The following CTNNA3 variants were observed in gnomAD, a reference collection of about 807,000 sequenced individuals.
CTNNA3 encodes catenin alpha 3, also known as catenin alpha-3.
CTNNA3 carries 76 observed loss-of-function variants against 95.7 expected under a neutral mutation model. The observed-to-expected ratio is 0.79, with a 90% confidence interval of 0.66 to 0.96. The LOEUF (loss-of-function observed/expected upper bound fraction) is 0.96. Among genes scored for constraint, CTNNA3 ranks in the 40% least tolerant of loss-of-function variants. The pLI is 0.00. For missense variants in CTNNA3, 1,191 were observed against 1,089.8 expected (o/e 1.09, Z -1.31); for synonymous variants, 431 against 374.4 (o/e 1.15, Z -1.74).
At chr10:66,424,825 T>G (rs2093225438) in intron 11 of CTNNA3, among the ~76,000 whole-genome samples, 1 of 152,076 alleles carries the variant, frequency 6.6e-6, no homozygotes, top group Admixed American at 6.6e-5. Flanking sequence ...TTTTAAAATT[T>G]TTATCTGAGC....
intron 5 of CTNNA3, among the ~76,000 whole-genome samples, chr10:67,358,863 A>C (rs1323954523): frequency 6.6e-6 from 1 of 152,062 alleles, no homozygotes; most frequent in African/African-American, 2.4e-5. Context: ...GTCTCCCCCA[A>C]GGCCCCAGAA....
Position 66,124,739 on chromosome 10 carries a change from A to G in CTNNA3, c.1885-21490T>C, listed in dbSNP as rs187978018. Among the ~76,000 whole-genome samples the G allele has an allele frequency of 3.5e-3, 533 of 152,344 alleles. 3 individuals carry two copies. Among genetic ancestry groups the G allele is most frequent in the African/African-American group, 0.012 (512 of 41,592 alleles). ...CTTACATGGATGGAGGCAGGCAAAGAGAGACAGCTTGTGCAGGGAAACTCC... is the reference window on the plus strand; with the variant it reads ...CTTACATGGATGGAGGCAGGCAAAGGGAGACAGCTTGTGCAGGGAAACTCC... On this transcript the variant is annotated intron_variant, in intron 13 of 17. Transcript: ENST00000433211.
chr10:67,274,216 A>T (rs1200125820), intron 5 of CTNNA3, among the ~76,000 whole-genome samples: 1 of 152,182 alleles, frequency 6.6e-6, no homozygotes, highest in East Asian at 1.9e-4. Context: ...CTATAGAAAG[A>T]TTCAAACAAA....
At chr10:66,389,805 C>T (rs1033795037) in intron 11 of CTNNA3, among the ~76,000 whole-genome samples, 1 of 151,464 alleles carries the variant, frequency 6.6e-6, no homozygotes, top group African/African-American at 2.4e-5. Context: ...GTGCCATAAT[C>T]ATAGCTCATT....
At chr10:65,957,225 T>C (rs1412402705) in intron 17 of CTNNA3, among the ~76,000 whole-genome samples, 1 of 152,216 alleles carries the variant, frequency 6.6e-6, no homozygotes, top group African/African-American at 2.4e-5. Context: ...TGCCTTTTTT[T>C]GTTTTCCATT....
intron 11 of CTNNA3, among the ~76,000 whole-genome samples, chr10:66,466,566 C>G (rs1838926480): frequency 6.6e-6 from 1 of 151,984 alleles, no homozygotes; most frequent in Non-Finnish European, 1.5e-5. Context: ...CAACACTGAC[C>G]TTCTGGGTCA....
At chr10:66,404,782 G>GTT (rs3998970) in intron 11 of CTNNA3, among the ~76,000 whole-genome samples, 42,443 of 149,062 alleles carry the variant, frequency 0.28, 7,203 homozygotes, top group African/African-American at 0.48. Context: ...TTTCCTGTGG[G>GTT]TTTTTTTTTT....
intron 1 of CTNNA3, among the ~76,000 whole-genome samples, chr10:67,695,196 A>G (rs1840940432): frequency 6.6e-6 from 1 of 152,236 alleles, no homozygotes; most frequent in East Asian, 1.9e-4. Flanking sequence ...TAAGCAAATC[A>G]TTGCATTCTC....
At chr10:66,885,123 G>A (rs749623923) in intron 7 of CTNNA3, among the ~76,000 whole-genome samples, 9 of 152,134 alleles carry the variant, frequency 5.9e-5, no homozygotes, top group Non-Finnish European at 1.3e-4. Flanking sequence ...TACTGTATCA[G>A]AGAGAATCAA....
chr10:66,789,056 TAAC>T (rs1253389196), intron 7 of CTNNA3, among the ~76,000 whole-genome samples: 1 of 152,224 alleles, frequency 6.6e-6, no homozygotes, highest in Non-Finnish European at 1.5e-5. Flanking sequence ...TTTGTTATAA[TAAC>T]AAGTGCATTG....
intron 11 of CTNNA3, among the ~76,000 whole-genome samples, chr10:66,384,733 C>T (rs1270311872): frequency 6.6e-6 from 1 of 152,134 alleles, no homozygotes; most frequent in African/African-American, 2.4e-5. Flanking sequence ...GAAATCACAA[C>T]AAACTGTCTC....
At chr10:67,588,524 A>AATTT (rs1269026139) in intron 3 of CTNNA3, among the ~76,000 whole-genome samples, 6 of 147,812 alleles carry the variant, frequency 4.1e-5, no homozygotes, top group South Asian at 2.1e-4. Context: ...GACTGTATTG[A>AATTT]ATTTATGGGG....
chr10:67,360,733 G>A (rs1842966786), intron 5 of CTNNA3, among the ~76,000 whole-genome samples: 1 of 152,010 alleles, frequency 6.6e-6, no homozygotes, highest in Admixed American at 6.6e-5. Context: ...AGGGGGAGGT[G>A]CTACATACTT....
chr10:66,455,578 C>T (rs185891390), intron 11 of CTNNA3, among the ~76,000 whole-genome samples: 3 of 152,246 alleles, frequency 2.0e-5, no homozygotes, highest in African/African-American at 7.2e-5. Flanking sequence ...CCAGCAACAC[C>T]CAGAAGTTAC....
chr10:66,733,881 CT>C (rs1849044617), intron 9 of CTNNA3, among the ~76,000 whole-genome samples: 1 of 151,584 alleles, frequency 6.6e-6, no homozygotes, highest in Non-Finnish European at 1.5e-5. Flanking sequence ...ATTAGGTAAT[CT>C]TTAAAAAACA....
chr10:67,180,504 T>C lies in CTNNA3; in HGVS notation c.860A>G (p.Asn287Ser). The change falls in exon 7 of 18, where the codon AAT becomes AGT. Residue 287 changes from asparagine to serine, a missense_variant. Transcript: ENST00000433211. ...TTCCTCCTCAGTTACTGTGAGTGGATTCAGGACAATTAAATTCTAAGAGAA... is the reference window on the plus strand; with the variant it reads ...TTCCTCCTCAGTTACTGTGAGTGGACTCAGGACAATTAAATTCTAAGAGAA... Reference protein sequence around the residue: ...LDELENLIVLNPLTVTEEEIR... With the variant: ...LDELENLIVLSPLTVTEEEIR... 2 of 1,613,312 alleles carry C rather than the reference T, an allele frequency of 1.2e-6. No homozygotes were observed. The highest frequency in any genetic ancestry group is 1.7e-5 in the Admixed American group (1 of 59,984).
intron 10 of CTNNA3, among the ~76,000 whole-genome samples, chr10:66,606,746 G>A (rs535576940): frequency 1.2e-4 from 19 of 152,126 alleles, no homozygotes; most frequent in African/African-American, 2.4e-4. Flanking sequence ...GATACCTCAC[G>A]CCAGCATCTC....
intron 12 of CTNNA3, among the ~76,000 whole-genome samples, chr10:66,330,793 G>T (rs2092316631): frequency 6.6e-6 from 1 of 151,980 alleles, no homozygotes; most frequent in South Asian, 2.1e-4. Flanking sequence ...TCTCATTGTG[G>T]TTTTCATTTG....
At chr10:66,479,240 C>A (rs1839430022) in intron 11 of CTNNA3, among the ~76,000 whole-genome samples, 1 of 151,798 alleles carries the variant, frequency 6.6e-6, no homozygotes, top group South Asian at 2.1e-4. Context: ...CTTTCATTAT[C>A]TATATTCATA....
Sources: gnomAD v4.1 joint callset for allele counts (sites outside exome capture counted in the v4.1 genomes callset) on GRCh38, gnomAD v4.1.1 for gene constraint, MANE v1.5 for transcripts, NCBI Gene and HGNC (gene_info 2026-07-23, HGNC 2026-07-21) for gene names.